SMG7: variants seen among roughly 807,000 people sequenced by gnomAD.
SMG7 encodes nonsense-mediated mRNA decay factor SMG7.
In SMG7, 34 loss-of-function variants were observed where a neutral mutation model predicts 148.2. That is an observed-to-expected ratio of 0.23 (90% CI 0.17 to 0.31). SMG7 has a LOEUF of 0.31. Among genes scored for constraint, SMG7 ranks in the 10% least tolerant of loss-of-function variants. The pLI, the probability that SMG7 is intolerant of heterozygous loss-of-function variation, is 1.00. For missense variants in SMG7, 1,114 were observed against 1,408.4 expected, an observed-to-expected ratio of 0.79 and a Z score of 3.35; for synonymous variants, 492 against 515.1, an observed-to-expected ratio of 0.96 and a Z score of 0.61.
At chr1:183,500,554 C>A (rs976103690) in intron 1 of SMG7, among the ~76,000 whole-genome samples, 1 of 152,072 alleles carries the variant, frequency 6.6e-6, no homozygotes, top group Non-Finnish European at 1.5e-5. Context: ...ACTACATATG[C>A]GTAATTGAAT....
intron 1 of SMG7, chr1:183,473,734 A>G (rs1651380835): frequency 1.0e-6 from 1 of 985,206 alleles, no homozygotes; most frequent in African/African-American, 1.7e-5. Context: ...CAGAACTAAG[A>G]AAGGGAGGCC....
chr1:183,472,546 TGCCGCGGG>T lies in SMG7; in HGVS notation c.-69_-62del. 1 of 1,322,898 alleles carries T rather than the reference TGCCGCGGG, an allele frequency of 7.6e-7. No homozygotes were observed. The allele number at this position is 1,322,898 out of a possible 1,614,324, so 81.9% of individuals were successfully genotyped here. On this transcript the variant is annotated 5_prime_UTR_variant, in exon 1 of 23. An upstream open reading frame in the 5' UTR loses its in-frame stop. Transcript: ENST00000688051. ...TGGCGGCGGCCGCCAGCACCCGCGG[TGCCGCGGG>T]GCCGCTCCGAGGAGCCTGAGAGACC...
At chr1:183,516,023 G>A (rs765302547) in intron 3 of SMG7, 32 bp downstream of exon 3, 7 of 1,295,888 alleles carry the variant, frequency 5.4e-6, no homozygotes, top group East Asian at 2.4e-5. Context: ...AGAAGTCCCT[G>A]TAAGATCAAG....
At chr1:183,512,942 T>A in intron 2 of SMG7, 74 bp downstream of exon 2, 1 of 1,357,076 alleles carries the variant, frequency 7.4e-7, no homozygotes, top group Middle Eastern at 2.3e-4. Context: ...CTCTTTCTTA[T>A]ATTATGCACA....
Position 183,542,340 on chromosome 1 carries a change from A to G in SMG7, c.1680A>G (p.Gln560=), listed in dbSNP as rs1175795063. 1 of 1,614,160 alleles carries G rather than the reference A, an allele frequency of 6.2e-7. No individual in the cohort carries two copies. The highest frequency in any genetic ancestry group is 8.5e-7 in the Non-Finnish European group (1 of 1,179,994). ...AGACACGAGAAGTGAACAGAGACCA[A>G]GGAAGAAGTTTTCCTCCCAAAGAGG... ...NIKTREVNRD[Q]GRSFPPKEVR... The change falls in exon 14 of 23, where the codon CAA becomes CAG. Residue 560 remains glutamine, a synonymous_variant. Coordinates refer to ENST00000688051, the MANE Select transcript of SMG7 (RefSeq NM_001375584.1).
At chr1:183,474,006 T>G (rs1370246861) in intron 1 of SMG7, 1 of 359,506 alleles carries the variant, frequency 2.8e-6, no homozygotes, top group Non-Finnish European at 3.9e-6. Flanking sequence ...TGAACAATGC[T>G]TGAATGCTTG....
chr1:183,518,036 C>T (rs1486929093), intron 4 of SMG7, among the ~76,000 whole-genome samples: 1 of 152,118 alleles, frequency 6.6e-6, no homozygotes, highest in Non-Finnish European at 1.5e-5. Context: ...CAGCCTCAGC[C>T]TCCCTGACTG....
At chr1:183,482,544 C>T (rs1654421038) in intron 1 of SMG7, among the ~76,000 whole-genome samples, 3 of 151,714 alleles carry the variant, frequency 2.0e-5, no homozygotes, top group East Asian at 1.9e-4. Flanking sequence ...TTTTAGTTAC[C>T]TTGTGGTCAA....
Position 183,553,608 on chromosome 1 carries a change from G to GCCCCCCCCCCCCCCCCCCC in SMG7, c.*1685_*1686insCCCCCCCCCCCCCCCCCCC, listed in dbSNP as rs3832026. On this transcript the variant is annotated 3_prime_UTR_variant, in exon 23 of 23. Coordinates refer to ENST00000688051, the MANE Select transcript of SMG7 (RefSeq NM_001375584.1). ...TTGCTCTTCAGAGAGAGTGGTTGGAGCCCCCCCCGCCCCGTATGCTTACAT... is the reference window on the plus strand; with the variant it reads ...TTGCTCTTCAGAGAGAGTGGTTGGAGCCCCCCCCCCCCCCCCCCCCCCCCCCCGCCCCGTATGCTTACAT... The GCCCCCCCCCCCCCCCCCCC allele has an allele frequency of 7.8e-6, 1 of 128,374 alleles. No homozygotes were observed. The highest frequency in any genetic ancestry group is 2.7e-5 in the African/African-American group (1 of 36,766). The allele number at this position is 128,374 out of a possible 1,614,324, so 8.0% of individuals were successfully genotyped here. A position where few individuals can be genotyped will look rare whatever the true frequency, so the allele number is the denominator to read the frequency against.
At chr1:183,551,385 G>A (rs377174285) in intron 22 of SMG7, among the ~76,000 whole-genome samples, 195 bp downstream of exon 22, 42 of 152,266 alleles carry the variant, frequency 2.8e-4, no homozygotes, top group African/African-American at 1.0e-3. Flanking sequence ...ATTCACTAGT[G>A]GTAAAGCAGT....
At chr1:183,538,501 G>T (rs1668193405) in intron 12 of SMG7, 61 bp downstream of exon 12, 6 of 1,170,308 alleles carry the variant, frequency 5.1e-6, no homozygotes, top group Non-Finnish European at 7.7e-6. Flanking sequence ...AATTAGCAGA[G>T]AATTGGGCTT....
intron 1 of SMG7, among the ~76,000 whole-genome samples, chr1:183,483,900 C>G (rs951030113): frequency 6.6e-6 from 1 of 152,070 alleles, no homozygotes; most frequent in African/African-American, 2.4e-5. Flanking sequence ...GTTGTTTAAA[C>G]GCATACACAG....
At chr1:183,526,044 G>A (rs1478751932) in intron 4 of SMG7, among the ~76,000 whole-genome samples, 1 of 151,388 alleles carries the variant, frequency 6.6e-6, no homozygotes, top group Non-Finnish European at 1.5e-5. Context: ...AAATGCTGCT[G>A]TATGCACATC....
Position 183,552,663 on chromosome 1 carries a change from G to T in SMG7, c.*732G>T. The T allele has an allele frequency of 3.5e-6, 4 of 1,137,694 alleles. No homozygotes were observed. Among genetic ancestry groups the T allele is most frequent in the Non-Finnish European group, 4.3e-6 (4 of 922,072 alleles). The allele number at this position is 1,137,694 out of a possible 1,614,324, so 70.5% of individuals were successfully genotyped here. On this transcript the variant is annotated 3_prime_UTR_variant, in exon 23 of 23. Coordinates refer to ENST00000688051, the MANE Select transcript of SMG7 (RefSeq NM_001375584.1). ...CTGTAGGTGCTCGAGCCCCAATCGA[G>T]GATACAGTGTGGGTGGTGGTGCTGG... is the stretch of plus-strand genomic sequence containing the variant.
intron 2 of SMG7, among the ~76,000 whole-genome samples, chr1:183,513,967 T>A (rs1412301181): frequency 7.4e-5 from 11 of 148,038 alleles, no homozygotes; most frequent in African/African-American, 2.3e-4. Context: ...GAGGTGGAGG[T>A]TGCAGTGAGC....
In SMG7 at chr1:183,472,921, C is replaced by T. The variant is rs370057544; in HGVS notation, c.29+272C>T. On this transcript the variant is annotated intron_variant, in intron 1 of 22. Coordinates refer to ENST00000688051, the MANE Select transcript of SMG7 (RefSeq NM_001375584.1). ...AAGCGTGAGAATGTGCGCGCGCGCC[C>T]TTGGTCTCGGGTTTGCTAGCGAGGG... 1.5e-5 allele frequency: 6 copies of T among 387,608 alleles called. No individual in the cohort carries two copies. In the East Asian group the frequency reaches 1.8e-4, roughly 12 times the overall value. 24.0% of individuals were successfully genotyped at this position (387,608 alleles called of 1,614,324 possible).
intron 1 of SMG7, among the ~76,000 whole-genome samples, chr1:183,506,237 G>A (rs1660858407): frequency 6.6e-6 from 1 of 152,130 alleles, no homozygotes; most frequent in South Asian, 2.1e-4. Flanking sequence ...AAATTATGGA[G>A]CGAATGTTGT....
chr1:183,482,759 T>C lies in SMG7; in HGVS notation c.29+10110T>C, dbSNP rs914909114. Among the ~76,000 whole-genome samples the C allele has an allele frequency of 3.9e-5, 6 of 152,182 alleles. No homozygotes were observed. In the East Asian group the frequency reaches 1.2e-3, roughly 29 times the overall value. On this transcript the variant is annotated intron_variant, in intron 1 of 22. Coordinates refer to ENST00000688051, the MANE Select transcript of SMG7 (RefSeq NM_001375584.1). The stretch of plus-strand genomic sequence containing the variant: ...CTGTATAGGAAAAAAGTGGTATATA[T>C]AGTGTTTGTTACCACCTGAAGTTTC...
chr1:183,542,262 C>T lies in SMG7; in HGVS notation c.1602C>T (p.Ser534=), dbSNP rs757174887. 1.2e-6 allele frequency: 2 copies of T among 1,614,074 alleles called. No homozygotes were observed. Among genetic ancestry groups the T allele is most frequent in the Non-Finnish European group, 1.7e-6 (2 of 1,179,992 alleles). The stretch of plus-strand genomic sequence containing the variant: ...TGCTATCTACAAGCCGAAATTTAAG[C>T]AACAACTGTGACACAGGAGAGAAGC... ...KSVLSTSRNL[S]NNCDTGEKPV... The change falls in exon 14 of 23, where the codon AGC becomes AGT. Residue 534 remains serine (S), a synonymous_variant. Transcript: ENST00000688051.
Sources: gnomAD v4.1 joint callset for allele counts (sites outside exome capture counted in the v4.1 genomes callset) on GRCh38, gnomAD v4.1.1 for gene constraint, MANE v1.5 for transcripts, NCBI Gene and HGNC (gene_info 2026-07-23, HGNC 2026-07-21) for gene names.